Variants in IGSF21 observed in about 807,000 individuals in gnomAD.
IGSF21 encodes immunoglobin superfamily member 21.
In IGSF21, 28 loss-of-function variants were observed where a neutral mutation model predicts 46.8. The observed-to-expected ratio is 0.60, with a 90% CI of 0.44 to 0.82. The LOEUF is 0.82. IGSF21 is among the 40% of genes least tolerant of loss of function. The pLI is 0.00. For synonymous variants in IGSF21, 284 were observed against 273.6 expected, an observed-to-expected ratio of 1.04 and a Z score of -0.38; for missense variants, 624 against 665.5, an observed-to-expected ratio of 0.94 and a Z score of 0.69.
At chr1:18,339,900 CA>C (rs1318254482) in intron 4 of IGSF21, among the ~76,000 whole-genome samples, 1 of 152,172 alleles carries the variant, frequency 6.6e-6, no homozygotes, top group Non-Finnish European at 1.5e-5. Flanking sequence ...CACTGCTATC[CA>C]GCACCTCCCC....
At chr1:18,172,397 T>A (rs187542691) in intron 1 of IGSF21, among the ~76,000 whole-genome samples, 1 of 152,194 alleles carries the variant, frequency 6.6e-6, no homozygotes, top group Non-Finnish European at 1.5e-5. Flanking sequence ...GTGGCTGCCA[T>A]AACACATATC....
intron 2 of IGSF21, among the ~76,000 whole-genome samples, chr1:18,249,062 G>A (rs115653888): frequency 3.3e-5 from 5 of 152,302 alleles, no homozygotes; most frequent in South Asian, 2.1e-4. Flanking sequence ...TGGATCATGC[G>A]TTTGGAGGCC....
chr1:18,357,428 G>A (rs370124734), intron 4 of IGSF21, among the ~76,000 whole-genome samples: 8 of 143,782 alleles, frequency 5.6e-5, no homozygotes, highest in African/African-American at 2.1e-4. Flanking sequence ...GGATGGGAAC[G>A]GAGATGAGGG....
chr1:18,283,147 C>G (rs1240761579), intron 2 of IGSF21, among the ~76,000 whole-genome samples: 1 of 152,230 alleles, frequency 6.6e-6, no homozygotes, highest in Non-Finnish European at 1.5e-5. Flanking sequence ...CACTCTCCCC[C>G]CAGCCCCCAG....
chr1:18,294,851 A>G (rs1423842691), intron 3 of IGSF21, among the ~76,000 whole-genome samples: 1 of 152,256 alleles, frequency 6.6e-6, no homozygotes, highest in African/African-American at 2.4e-5. Flanking sequence ...GCTGGGGGCG[A>G]CTGCCTCTTC....
intron 1 of IGSF21, among the ~76,000 whole-genome samples, chr1:18,138,093 C>A (rs2086383745): frequency 6.6e-6 from 1 of 152,128 alleles, no homozygotes; most frequent in Non-Finnish European, 1.5e-5. Flanking sequence ...GGGACACATG[C>A]AGCTGCCCCA....
intron 1 of IGSF21, among the ~76,000 whole-genome samples, chr1:18,123,701 G>T (rs898993349): frequency 6.6e-6 from 1 of 152,070 alleles, no homozygotes; most frequent in Admixed American, 6.5e-5. Flanking sequence ...GGAGTGGAGG[G>T]ATCTGAGCAG....
intron 1 of IGSF21, among the ~76,000 whole-genome samples, chr1:18,169,479 G>C (rs1570293258): frequency 6.6e-6 from 1 of 152,184 alleles, no homozygotes. Context: ...AATTCACAAG[G>C]GTGGCCCAAG....
intron 1 of IGSF21, among the ~76,000 whole-genome samples, chr1:18,122,778 G>A (rs907958752): frequency 1.3e-5 from 2 of 151,772 alleles, no homozygotes; most frequent in East Asian, 1.9e-4. Flanking sequence ...ATGCCACCAC[G>A]CCCCAGCTAA....
At chr1:18,178,507 T>C (rs2086825965) in intron 1 of IGSF21, among the ~76,000 whole-genome samples, 2 of 152,182 alleles carry the variant, frequency 1.3e-5, no homozygotes, top group Non-Finnish European at 1.5e-5. Context: ...ACTATTAGGG[T>C]TGTATAAGCC....
rs1364416866 is a variant in IGSF21, at chr1:18,290,941, C to T, written c.184-925C>T. Among the ~76,000 whole-genome samples the T allele has an allele frequency of 6.6e-6, 1 of 152,162 alleles. No individual in the cohort carries two copies. The highest frequency in any genetic ancestry group is 2.4e-5 in the African/African-American group (1 of 41,444). ...CCATTGCAGGCTGTTAGCGCAGAGC[C>T]CAGCTGAGCTGCGAGAGGCTGCAAG... On this transcript the variant is annotated intron_variant, in intron 2 of 9. Coordinates refer to ENST00000251296, the MANE Select transcript of IGSF21 (RefSeq NM_032880.5). The surrounding 1 kb of genome is among the most constrained non-coding windows in gnomAD (Gnocchi z 4.2).
rs566258825 is a variant in IGSF21, at chr1:18,370,269, C to CA, written c.1015+4576dup. Among the ~76,000 whole-genome samples the CA allele has an allele frequency of 1.5e-3, 231 of 152,164 alleles. 1 individual carries two copies. Among genetic ancestry groups the CA allele is most frequent in the African/African-American group, 5.4e-3 (222 of 41,484 alleles). Reference sequence around the variant, plus strand: ...TTCCTGTGGTAGACAAATAGATTGACAAAACAGGATAGAGTCCAGAAATAG... The same window carrying CA: ...TTCCTGTGGTAGACAAATAGATTGACAAAAACAGGATAGAGTCCAGAAATAG... On this transcript the variant is annotated intron_variant, in intron 6 of 9. Coordinates refer to ENST00000251296, the MANE Select transcript of IGSF21 (RefSeq NM_032880.5).
At chr1:18,315,551 G>GGATGGATA (rs2085532742) in intron 3 of IGSF21, among the ~76,000 whole-genome samples, 1 of 147,598 alleles carries the variant, frequency 6.8e-6, no homozygotes, top group Non-Finnish European at 1.5e-5. Flanking sequence ...GATGGATGAT[G>GGATGGATA]GATGGATGGA....
chr1:18,340,859 T>A (rs996971265), intron 4 of IGSF21, among the ~76,000 whole-genome samples: 1 of 152,152 alleles, frequency 6.6e-6, no homozygotes, highest in African/African-American at 2.4e-5. Flanking sequence ...CCTGTCCCTG[T>A]GTTCAGATTT....
chr1:18,208,743 A>G (rs1469574790), intron 1 of IGSF21, among the ~76,000 whole-genome samples: 2 of 151,840 alleles, frequency 1.3e-5, no homozygotes, highest in Non-Finnish European at 2.9e-5. Context: ...TTTTCTCATA[A>G]TAGCCCCAAA....
chr1:18,363,876 C>CCTCA lies in IGSF21; in HGVS notation c.541-1346_541-1343dup, dbSNP rs140022604. Among the ~76,000 whole-genome samples, 806 of 152,204 alleles carry CCTCA rather than the reference C, an allele frequency of 5.3e-3. 22 individuals are homozygous for CCTCA. Among genetic ancestry groups the CCTCA allele is most frequent in the Admixed American group, 0.036 (546 of 15,290 alleles). ...TGGTGGGCAGGGGAACAGAGACAAG[C>CCTCA]CTCAGTCCCTAGGAAGTGGACCCAA... is the stretch of plus-strand genomic sequence containing the variant. On this transcript the variant is annotated intron_variant, in intron 5 of 9. Transcript: ENST00000251296.
At chr1:18,303,318 G>C (rs1009215317) in intron 3 of IGSF21, among the ~76,000 whole-genome samples, 1 of 151,932 alleles carries the variant, frequency 6.6e-6, no homozygotes, top group South Asian at 2.1e-4. Flanking sequence ...GGGGGCTCAG[G>C]TGCAGCCCAG....
At chr1:18,136,599 T>C (rs2086369156) in intron 1 of IGSF21, among the ~76,000 whole-genome samples, 1 of 152,236 alleles carries the variant, frequency 6.6e-6, no homozygotes, top group African/African-American at 2.4e-5. Context: ...GAGGGCTCTG[T>C]TCTGTTCCAT....
rs541192574 is a variant in IGSF21, at chr1:18,337,996, G to A, written c.424+2986G>A. 1.4e-4 allele frequency among the ~76,000 whole-genome samples: 21 copies of A among 152,170 alleles called. No homozygotes were observed. The highest frequency in any genetic ancestry group is 5.2e-4 in the Admixed American group (8 of 15,288). On this transcript the variant is annotated intron_variant, in intron 4 of 9. Coordinates refer to ENST00000251296, the MANE Select transcript of IGSF21 (RefSeq NM_032880.5). This position sits in a 1 kb window ranked among gnomAD's most constrained non-coding sequence, Gnocchi z 5.7. ...TGAGGGGAGGGCCGGGGGAGGCGGC[G>A]TGGCTGAGTGTTTCTCATACAGCAT...
Sources: gnomAD v4.1 joint callset for allele counts (sites outside exome capture counted in the v4.1 genomes callset) on GRCh38, gnomAD v4.1.1 for gene constraint, Gnocchi (gnomAD v3.1) non-coding constraint, MANE v1.5 for transcripts, NCBI Gene and HGNC (gene_info 2026-07-23, HGNC 2026-07-21) for gene names.